NAV2: variants seen among roughly 807,000 people sequenced by gnomAD.
NAV2 encodes the protein helicase, APC down-regulated 1.
In NAV2, 54 loss-of-function variants were observed where a neutral mutation model predicts 223.2. That is an observed-to-expected ratio of 0.24 (90% CI 0.19 to 0.30). NAV2 has a LOEUF of 0.30. Among genes scored for constraint, NAV2 ranks in the 10% least tolerant of loss-of-function variants. The probability of loss-of-function intolerance (pLI) is 1.00; values close to 1 mark genes in which losing one functional copy is unlikely to be tolerated. For synonymous variants in NAV2, 1,279 were observed against 1,239.3 expected, an observed-to-expected ratio of 1.03 and a Z score of -0.67; for missense variants, 2,806 against 3,147.5, an observed-to-expected ratio of 0.89 and a Z score of 2.60.
chr11:19,709,177 C>A (rs1473179797), upstream of NAV2, among the ~76,000 whole-genome samples: 1 of 151,958 alleles, frequency 6.6e-6, no homozygotes, highest in African/African-American at 2.4e-5. Context: ...CCCCCCGCCC[C>A]ACCCTTGTCT....
At chr11:19,367,660 G>A (rs1848334235) in intron 1 of NAV2, among the ~76,000 whole-genome samples, 1 of 152,158 alleles carries the variant, frequency 6.6e-6, no homozygotes. Context: ...GTGGCCCAGA[G>A]TGCAGCTATT....
At chr11:19,556,221 G>C (rs891092964) in intron 1 of NAV2, among the ~76,000 whole-genome samples, 2 of 152,236 alleles carry the variant, frequency 1.3e-5, no homozygotes, top group East Asian at 1.9e-4. Context: ...ATTTGTAAAA[G>C]TGACAGGTTC....
At chr11:19,866,857 G>GCTTTTT (rs1243891516) in intron 3 of NAV2, among the ~76,000 whole-genome samples, 1 of 152,124 alleles carries the variant, frequency 6.6e-6, no homozygotes, top group Non-Finnish European at 1.5e-5. Context: ...GGGATGGTGA[G>GCTTTTT]CTTTTTCTTT....
At chr11:19,620,159 G>GTAGCCTTGTAGTATAGCCTTGTAGTA (rs1316473462) in intron 1 of NAV2, among the ~76,000 whole-genome samples, 11 of 152,184 alleles carry the variant, frequency 7.2e-5, no homozygotes, top group African/African-American at 2.6e-4. Context: ...TTTGGTTACT[G>GTAGCCTTGTAGTATAGCCTTGTAGTA]TAGCCTTGTA....
chr11:19,638,115 A>G (rs2047555936), intron 1 of NAV2, among the ~76,000 whole-genome samples: 1 of 152,222 alleles, frequency 6.6e-6, no homozygotes, highest in South Asian at 2.1e-4. Flanking sequence ...AACTTCTTAC[A>G]CAAATCTTTA....
intron 1 of NAV2, among the ~76,000 whole-genome samples, chr11:19,565,653 T>G (rs2045243442): frequency 2.6e-5 from 4 of 152,168 alleles, no homozygotes; most frequent in Admixed American, 2.6e-4. Context: ...CAGCCCGCCT[T>G]TTTTTTCCAC....
intron 10 of NAV2, among the ~76,000 whole-genome samples, chr11:19,962,861 G>A (rs377285919): frequency 1.3e-5 from 2 of 152,218 alleles, no homozygotes; most frequent in African/African-American, 4.8e-5. Context: ...CTTGGGAACA[G>A]TGGGAGACAG....
chr11:19,546,337 A>T (rs7926925), intron 1 of NAV2, among the ~76,000 whole-genome samples: 54,118 of 152,132 alleles, frequency 0.36, 15,576 homozygotes, highest in African/African-American at 0.81. Flanking sequence ...AGGGCGAGAC[A>T]GACTGGTGGG....
chr11:19,793,725 A>G (rs2057709068), intron 1 of NAV2, among the ~76,000 whole-genome samples: 1 of 152,134 alleles, frequency 6.6e-6, no homozygotes, highest in African/African-American at 2.4e-5. Context: ...AGGAAACAGA[A>G]TAAAATCCGA....
intron 1 of NAV2, among the ~76,000 whole-genome samples, chr11:19,643,045 G>C (rs1244678543): frequency 1.3e-5 from 2 of 152,184 alleles, no homozygotes; most frequent in African/African-American, 4.8e-5. Context: ...CTGCATAGCT[G>C]CCATCTGGTG....
rs192357398 is a variant in NAV2 at position 19,951,162 on chromosome 11, C to T, written c.2645+2082C>T. ...CTGATTTCTATGGCCTACCTAGGGG[C>T]AGAGGGATTCTAGTTTCTATGGCTG... On this transcript the variant is annotated intron_variant, in intron 10 of 37. Coordinates refer to ENST00000349880, the MANE Select transcript of NAV2 (RefSeq NM_145117.5). Among the ~76,000 whole-genome samples, 534 of 152,254 alleles carry T rather than the reference C, an allele frequency of 3.5e-3. 1 individual carries two copies. The highest frequency in any genetic ancestry group is 0.012 in the African/African-American group (503 of 41,538).
At position 19,698,801 on chromosome 11, in the gene NAV2, C is replaced by T. The variant is rs187606988; in HGVS notation, c.76-133683C>T. Among the ~76,000 whole-genome samples the T allele has an allele frequency of 9.9e-5, 15 of 152,016 alleles. No homozygotes were observed. In the South Asian group the frequency reaches 1.5e-3, roughly 15 times the overall value. On this transcript the variant is annotated intron_variant, in intron 1 of 37. Transcript: ENST00000360655. ...GCAAGCTTCATGTGGACAGTGCTCA[C>T]GTGTGTGTGTGCATGTGAGAGAGAG...
At chr11:20,058,584 C>A (rs374858201) in intron 19 of NAV2, among the ~76,000 whole-genome samples, 1 of 152,338 alleles carries the variant, frequency 6.6e-6, no homozygotes, top group East Asian at 1.9e-4. Flanking sequence ...ACCCTCCACC[C>A]TATCAATTTA....
intron 3 of NAV2, among the ~76,000 whole-genome samples, chr11:19,859,999 A>ACC (rs777023725): frequency 2.3e-4 from 10 of 44,124 alleles, no homozygotes; most frequent in Non-Finnish European, 3.7e-4. Context: ...CGGGGGGCTG[A>ACC]CCCCCCCTCC....
At chr11:19,722,417 C>A (rs188237008) in intron 1 of NAV2, among the ~76,000 whole-genome samples, 2 of 152,314 alleles carry the variant, frequency 1.3e-5, no homozygotes, top group Admixed American at 6.5e-5. Flanking sequence ...TTTTGCCTGA[C>A]TGAATCCTCC....
At chr11:19,851,909 G>T (rs2061164054) in intron 3 of NAV2, among the ~76,000 whole-genome samples, 1 of 152,244 alleles carries the variant, frequency 6.6e-6, no homozygotes, top group Admixed American at 6.5e-5. Flanking sequence ...GACAGAGGCA[G>T]GAAGGTGAGA....
intron 1 of NAV2, chr11:19,384,666 G>C (rs1362222645): frequency 2.0e-5 from 3 of 152,168 alleles, no homozygotes; most frequent in Non-Finnish European, 4.4e-5. Context: ...CATGTATCCT[G>C]TACACTCTCC....
At chr11:19,619,948 G>T (rs1271856589) in intron 1 of NAV2, among the ~76,000 whole-genome samples, 1 of 152,300 alleles carries the variant, frequency 6.6e-6, no homozygotes, top group East Asian at 1.9e-4. Flanking sequence ...TAAGGTGTAA[G>T]GAAGGGATCC....
intron 20 of NAV2, among the ~76,000 whole-genome samples, chr11:20,067,841 T>C (rs1049469079): frequency 6.6e-6 from 1 of 152,000 alleles, no homozygotes; most frequent in Non-Finnish European, 1.5e-5. Flanking sequence ...AGGCCTCCTG[T>C]ATTTTTGTTT....
Sources: allele counts gnomAD v4.1 joint callset (sites outside exome capture counted in the v4.1 genomes callset), GRCh38; gene constraint gnomAD v4.1.1; transcripts MANE v1.5; gene names NCBI Gene and HGNC (gene_info 2026-07-23, HGNC 2026-07-21).